Variants in TTYH3 observed in about 807,000 individuals in gnomAD.
TTYH3 encodes the protein tweety family member 3.
TTYH3 carries 23 observed loss-of-function variants against 68.2 expected under a neutral mutation model. That is an observed-to-expected ratio of 0.34 (90% CI 0.24 to 0.48). The LOEUF (loss-of-function observed/expected upper bound fraction) is 0.48, where lower values mean the gene tolerates loss of function less well. TTYH3 is among the 20% of genes least tolerant of loss of function. TTYH3 has a pLI of 0.99. For missense variants in TTYH3, 768 were observed against 727.7 expected, an observed-to-expected ratio of 1.06 and a Z score of -0.64; for synonymous variants, 360 against 332.8, an observed-to-expected ratio of 1.08 and a Z score of -0.89.
chr7:2,659,747 T>TGGGCCTGGG (rs1394905990), intron 13 of TTYH3, among the ~76,000 whole-genome samples: 1 of 151,932 alleles, frequency 6.6e-6, no homozygotes, highest in Non-Finnish European at 1.5e-5. Context: ...AGCACAGAGC[T>TGGGCCTGGG]GGGCCTGGGG....
chr7:2,661,039 A>G (rs1786481122), intron 13 of TTYH3, among the ~76,000 whole-genome samples: 1 of 149,154 alleles, frequency 6.7e-6, no homozygotes, highest in African/African-American at 2.5e-5. Context: ...TCCTAAGTCC[A>G]AGACCCCCAG....
chr7:2,647,073 AG>A (rs1387473580), intron 2 of TTYH3, 51 bp downstream of exon 2: 1 of 487,544 alleles, frequency 2.1e-6, no homozygotes, highest in Non-Finnish European at 2.9e-6. Context: ...GGGCGGCCCG[AG>A]GGGGCGGGGC....
At chr7:2,638,920 G>A (rs1028168108) in intron 1 of TTYH3, among the ~76,000 whole-genome samples, 2 of 152,114 alleles carry the variant, frequency 1.3e-5, no homozygotes, top group African/African-American at 4.8e-5. Flanking sequence ...CCCCTGACAT[G>A]GGGGTGGTGG....
At chr7:2,642,311 A>G (rs537229611) in intron 1 of TTYH3, among the ~76,000 whole-genome samples, 2 of 151,944 alleles carry the variant, frequency 1.3e-5, no homozygotes, top group African/African-American at 2.4e-5. Context: ...GGGGACCGAG[A>G]TGGCAGATCA....
intron 13 of TTYH3, chr7:2,660,466 G>T: frequency 1.0e-6 from 1 of 985,430 alleles, no homozygotes; most frequent in Non-Finnish European, 1.2e-6. Flanking sequence ...GTGCCGGCGA[G>T]CACGTGAGCT....
chr7:2,652,706 G>A (rs1786219821), intron 8 of TTYH3: 9 of 582,996 alleles, frequency 1.5e-5, no homozygotes, highest in East Asian at 5.5e-5. Context: ...GTGTGGGTGC[G>A]TGGTTGGCTG....
Position 2,661,969 on chromosome 7 carries a change from C to T in TTYH3, c.*230C>T, listed in dbSNP as rs982612424. 8 of 604,562 alleles carry T rather than the reference C, an allele frequency of 1.3e-5. No homozygotes were observed. Among genetic ancestry groups the T allele is most frequent in the Admixed American group, 2.9e-5 (1 of 34,620 alleles). 37.4% of individuals were successfully genotyped at this position (604,562 alleles called of 1,614,324 possible). A position where few individuals can be genotyped will look rare whatever the true frequency, so the allele number is the denominator to read the frequency against. On this transcript the variant is annotated 3_prime_UTR_variant, in exon 14 of 14. Transcript: ENST00000258796. ...GTCACACCTGAACGCTGCTGCCAGC[C>T]GATGCCCCAGCCCTGCACGCCACCC...
At position 2,653,001 on chromosome 7, in the gene TTYH3, G is replaced by T. The variant is rs149280757; in HGVS notation, c.1011G>T (p.Pro337=). ...TGAGGACCGTCCCCTGGGAGCAGCC[G>T]GCCACTAAGGTGAGGGGCTGCGGGG... ...ELLRTVPWEQ[P]ATKDPLLRVQ... Residue 337 remains proline, a synonymous_variant, in exon 9 of 14, where the codon CCG becomes CCT. Coordinates refer to ENST00000258796, the MANE Select transcript of TTYH3 (RefSeq NM_025250.3). 1 of 1,569,524 alleles carries T rather than the reference G, an allele frequency of 6.4e-7. No individual in the cohort carries two copies. Among genetic ancestry groups the T allele is most frequent in the Non-Finnish European group, 8.6e-7 (1 of 1,156,980 alleles).
At chr7:2,646,084 G>A (rs1281135536) in intron 1 of TTYH3, among the ~76,000 whole-genome samples, 1 of 151,826 alleles carries the variant, frequency 6.6e-6, no homozygotes, top group African/African-American at 2.4e-5. Flanking sequence ...GTGCAATCTC[G>A]GCTCACTGCA....
At chr7:2,634,651 C>T (rs992739560) in intron 1 of TTYH3, among the ~76,000 whole-genome samples, 11 of 152,052 alleles carry the variant, frequency 7.2e-5, no homozygotes, top group African/African-American at 2.4e-4. Context: ...TTCTGGCCCC[C>T]GTGGTCTGCT....
intron 8 of TTYH3, 43 bp from the exon 9 acceptor site, chr7:2,652,875 G>A (rs1002277035): frequency 2.0e-6 from 3 of 1,479,298 alleles, no homozygotes; most frequent in Non-Finnish European, 2.7e-6. Context: ...AGAGGCGGGC[G>A]GACCCAGCAG....
chr7:2,637,318 C>T (rs1785706070), intron 1 of TTYH3, among the ~76,000 whole-genome samples: 1 of 152,150 alleles, frequency 6.6e-6, no homozygotes, highest in Non-Finnish European at 1.5e-5. Flanking sequence ...GCTTGGTTCC[C>T]CAGGCCACGG....
Position 2,664,481 on chromosome 7 carries a change from A to G in TTYH3, c.*2742A>G, listed in dbSNP as rs1786568936. 1 of 151,362 alleles carries G rather than the reference A, an allele frequency of 6.6e-6. No individual in the cohort carries two copies. 9.4% of individuals were successfully genotyped at this position (151,362 alleles called of 1,614,324 possible). A position where few individuals can be genotyped will look rare whatever the true frequency, so the allele number is the denominator to read the frequency against. On this transcript the variant is annotated 3_prime_UTR_variant, in exon 14 of 14. Coordinates refer to ENST00000258796, the MANE Select transcript of TTYH3 (RefSeq NM_025250.3). ...TTCATATTTGTTATATATAATATAT[A>G]TATATATAATCTCCTTAAGACTCAG... is the stretch of plus-strand genomic sequence containing the variant.
rs983437742 is a variant in TTYH3 at position 2,660,536 on chromosome 7, G to A, written c.1501-1132G>A. ...CTTGGGCTCCTTCAGGGGTCTGCGC[G>A]TCTGCCCCGTCCCGTCCAGTCCCGC... On this transcript the variant is annotated intron_variant, in intron 13 of 13. Coordinates refer to ENST00000258796, the MANE Select transcript of TTYH3 (RefSeq NM_025250.3). 5.3e-5 allele frequency: 52 copies of A among 985,168 alleles called. No individual in the cohort carries two copies. The Admixed American group carries it at 9.2e-4, about 17-fold the overall frequency. The allele number at this position is 985,168 out of a possible 1,614,324, so 61.0% of individuals were successfully genotyped here. A position where few individuals can be genotyped will look rare whatever the true frequency, so the allele number is the denominator to read the frequency against.
rs141273395 is a variant in TTYH3 at position 2,661,392 on chromosome 7, G to A, written c.1501-276G>A. On this transcript the variant is annotated intron_variant, in intron 13 of 13. Transcript: ENST00000258796. ...CGCTGGTGTGGGCATGGGAGGCTGT[G>A]TGTACGCCCCTCCTCAGAGGAGACA... Among the ~76,000 whole-genome samples, 493 of 152,154 alleles carry A rather than the reference G, an allele frequency of 3.2e-3. 3 individuals carry two copies. Among genetic ancestry groups the A allele is most frequent in the African/African-American group, 0.011 (476 of 41,540 alleles).
intron 13 of TTYH3, chr7:2,659,805 G>GCC: frequency 3.4e-6 from 4 of 1,159,906 alleles, no homozygotes; most frequent in African/African-American, 3.2e-5. Flanking sequence ...ACAGGTGCAG[G>GCC]CCCAGTCCCG....
intron 7 of TTYH3, among the ~76,000 whole-genome samples, chr7:2,650,511 G>A (rs1188202693): frequency 1.3e-5 from 2 of 152,048 alleles, no homozygotes; most frequent in African/African-American, 4.8e-5. Flanking sequence ...CCAGGAGGTG[G>A]AGGTTGCAAT....
intron 11 of TTYH3, among the ~76,000 whole-genome samples, chr7:2,657,316 G>A (rs1214138214): frequency 3.3e-5 from 5 of 152,160 alleles, no homozygotes; most frequent in Admixed American, 3.3e-4. Flanking sequence ...CGATGATGGT[G>A]ATGGTGATGG....
rs1370732978 is a variant in TTYH3, at chr7:2,663,589, C to T, written c.*1850C>T. On this transcript the variant is annotated 3_prime_UTR_variant, in exon 14 of 14. Coordinates refer to ENST00000258796, the MANE Select transcript of TTYH3 (RefSeq NM_025250.3). ...GAGGCCCCGCCACAGCCAACCTGCC[C>T]AGTCTTTCCTCTGGGCTTGACCCGC... is the stretch of plus-strand genomic sequence containing the variant. 6.6e-6 allele frequency: 1 copy of T among 152,636 alleles called. No individual in the cohort carries two copies. Among genetic ancestry groups the T allele is most frequent in the Non-Finnish European group, 1.5e-5 (1 of 68,128 alleles). 9.5% of individuals were successfully genotyped at this position (152,636 alleles called of 1,614,324 possible).
Sources: gnomAD v4.1 joint callset for allele counts (sites outside exome capture counted in the v4.1 genomes callset) on GRCh38, gnomAD v4.1.1 for gene constraint, MANE v1.5 for transcripts, NCBI Gene and HGNC (gene_info 2026-07-23, HGNC 2026-07-21) for gene names.